The following ZNF385C variants were observed in gnomAD, a reference collection of about 807,000 sequenced individuals.
ZNF385C encodes the protein CTD-2132N18.2.
Under a neutral mutation model 35.4 loss-of-function variants are expected in ZNF385C, and 28 were observed. The ratio of observed to expected loss-of-function variants is 0.79; its 90% confidence interval spans 0.59 to 1.08. The LOEUF (loss-of-function observed/expected upper bound fraction) is 1.08. Ranked by LOEUF, ZNF385C falls within the 50% of genes least tolerant of loss-of-function variation. The pLI is 0.00. For missense variants in ZNF385C, 605 were observed against 595.6 expected, an observed-to-expected ratio of 1.02 and a Z score of -0.16; for synonymous variants, 248 against 248.2, an observed-to-expected ratio of 1.00 and a Z score of 0.01.
At position 42,038,218 on chromosome 17, in the gene ZNF385C, C is replaced by T. The variant is rs143950743; in HGVS notation, c.251-333G>A. The T allele has an allele frequency of 1.4e-4, 87 of 619,108 alleles. No individual in the cohort carries two copies. In the African/African-American group the frequency reaches 1.5e-3, roughly 10 times the overall value. The allele number at this position is 619,108 out of a possible 1,614,324, so 38.4% of individuals were successfully genotyped here. ...TGGGCAGGCCCTGACACACACACCA[C>T]CATGGAGACTGCATGATGTGCTGGG... On this transcript the variant is annotated intron_variant, in intron 2 of 8. Transcript: ENST00000692273.
chr17:42,089,199 C>T (rs1369454053), intron 1 of ZNF385C, among the ~76,000 whole-genome samples: 4 of 151,978 alleles, frequency 2.6e-5, no homozygotes, highest in African/African-American at 9.7e-5. Context: ...ACCTATAGTC[C>T]CAGCTACTCA....
chr17:42,043,149 C>T (rs1276396305), intron 2 of ZNF385C: 9 of 1,232,180 alleles, frequency 7.3e-6, no homozygotes, highest in Non-Finnish European at 9.1e-6. Context: ...CGTGGCGCAG[C>T]AGGGCGTGGC....
chr17:42,077,012 G>A (rs1229450233), intron 1 of ZNF385C, among the ~76,000 whole-genome samples: 2 of 152,140 alleles, frequency 1.3e-5, no homozygotes, highest in East Asian at 3.8e-4. Context: ...TCTCCAGTTT[G>A]ACTATTCCAG....
intron 4 of ZNF385C, 49 bp downstream of exon 4, chr17:42,034,176 C>G: frequency 6.8e-7 from 1 of 1,460,614 alleles, no homozygotes; most frequent in South Asian, 1.2e-5. Context: ...CTCCAGCCCT[C>G]TCCCTGCCCA....
At chr17:42,065,285 C>G (rs1217735233) in intron 1 of ZNF385C, 2 of 152,228 alleles carry the variant, frequency 1.3e-5, no homozygotes, top group African/African-American at 2.4e-5. Context: ...GGACTTCTAG[C>G]CTCCAGAACT....
intron 2 of ZNF385C, among the ~76,000 whole-genome samples, chr17:42,056,602 T>G (rs7222203): frequency 0.03 from 4,631 of 152,160 alleles, 236 homozygotes; most frequent in African/African-American, 0.11. Context: ...TGATATGGTT[T>G]GGCTGTGTCC....
chr17:42,029,120 C>G, intron 5 of ZNF385C, 47 bp from the exon 6 acceptor site: 1 of 1,517,410 alleles, frequency 6.6e-7, no homozygotes, highest in Non-Finnish European at 8.9e-7. Flanking sequence ...ACGCTGCAGA[C>G]CACGATCTTC....
chr17:42,059,912 G>A (rs986125412), intron 2 of ZNF385C, among the ~76,000 whole-genome samples: 1 of 152,132 alleles, frequency 6.6e-6, no homozygotes, highest in African/African-American at 2.4e-5. Flanking sequence ...GTGAGCCTCC[G>A]CACCTGGCCC....
At chr17:42,080,458 G>A (rs1214264518) in intron 1 of ZNF385C, among the ~76,000 whole-genome samples, 1 of 152,140 alleles carries the variant, frequency 6.6e-6, no homozygotes, top group African/African-American at 2.4e-5. Flanking sequence ...CAGGCCTTGG[G>A]GTCCTGTCCT....
rs1373517863 is a variant in ZNF385C at position 42,059,662 on chromosome 17, C to T, written c.250+3145G>A. Among the ~76,000 whole-genome samples, 4 of 151,922 alleles carry T rather than the reference C, an allele frequency of 2.6e-5. No homozygotes were observed. The East Asian group carries it at 5.8e-4, about 22-fold the overall frequency. ...TTTAAGACAGAGTCTCATTCTGTCG[C>T]CCAGGCTGGAGTGCAGTGGTGCGAT... On this transcript the variant is annotated intron_variant, in intron 2 of 8. Transcript: ENST00000692273.
intron 2 of ZNF385C, among the ~76,000 whole-genome samples, chr17:42,045,526 T>A (rs1435606181): frequency 6.6e-6 from 1 of 152,248 alleles, no homozygotes; most frequent in Non-Finnish European, 1.5e-5. Flanking sequence ...AGGACAAAAC[T>A]GAGGTCTGTG....
chr17:42,053,892 G>A (rs1168739599), intron 2 of ZNF385C, among the ~76,000 whole-genome samples: 1 of 152,092 alleles, frequency 6.6e-6, no homozygotes, highest in African/African-American at 2.4e-5. Context: ...AGAACGAGGA[G>A]CAAATGAAAC....
intron 4 of ZNF385C, among the ~76,000 whole-genome samples, chr17:42,033,461 C>T (rs143447084): frequency 1.3e-5 from 2 of 152,220 alleles, no homozygotes; most frequent in African/African-American, 4.8e-5. Flanking sequence ...ATTATAATAG[C>T]GCCTCTAGGC....
chr17:42,029,431 G>T (rs2052676636), intron 5 of ZNF385C, among the ~76,000 whole-genome samples: 1 of 152,184 alleles, frequency 6.6e-6, no homozygotes, highest in Non-Finnish European at 1.5e-5. Flanking sequence ...AAAAAACAAT[G>T]GTGCGGGCTG....
chr17:42,085,742 C>T (rs1017069990), intron 1 of ZNF385C, among the ~76,000 whole-genome samples: 10 of 151,870 alleles, frequency 6.6e-5, no homozygotes, highest in Non-Finnish European at 1.0e-4. Context: ...GGATTACAGG[C>T]GTCTGTCTCT....
rs1324873139 is a variant in ZNF385C, at chr17:42,098,436, C to A, written c.-29G>T. 6.7e-6 allele frequency: 1 copy of A among 149,694 alleles called. No individual in the cohort carries two copies. Among genetic ancestry groups the A allele is most frequent in the African/African-American group, 2.4e-5 (1 of 41,052 alleles). The allele number at this position is 149,694 out of a possible 1,614,324, so 9.3% of individuals were successfully genotyped here. On this transcript the variant is annotated 5_prime_UTR_variant, in exon 1 of 9. Coordinates refer to ENST00000692273, the MANE Select transcript of ZNF385C (RefSeq NM_001392013.1). The stretch of plus-strand genomic sequence containing the variant: ...TGCGGGGCAGAGACGGAGCCCGCCG[C>A]GGCCACCTGCTCTCGCCTGGCTGGG...
At chr17:42,034,137 T>G in intron 4 of ZNF385C, 88 bp downstream of exon 4, 1 of 1,068,486 alleles carries the variant, frequency 9.4e-7, no homozygotes, top group South Asian at 1.4e-5. Flanking sequence ...CCACTGATAT[T>G]CCTCCCAGAA....
chr17:42,028,336 C>A (rs2052645925), intron 6 of ZNF385C, 90 bp from the exon 7 acceptor site: 13 of 1,325,974 alleles, frequency 9.8e-6, no homozygotes, highest in Non-Finnish European at 1.0e-5. Context: ...TTTGGCTCTC[C>A]CTGTAAGCCT....
Position 42,063,639 on chromosome 17 carries a change from C to T in ZNF385C, c.-2-581G>A, listed in dbSNP as rs117919453. Among the ~76,000 whole-genome samples, 103 of 152,252 alleles carry T rather than the reference C, an allele frequency of 6.8e-4. No homozygotes were observed. The East Asian group carries it at 0.016, about 23-fold the overall frequency. On this transcript the variant is annotated intron_variant, in intron 1 of 8. Transcript: ENST00000692273. ...GGGGAGGCCAAGACACCTGGGGACTCGGAGGGCCGCAGAACATATCTCAGA... is the reference window on the plus strand; with the variant it reads ...GGGGAGGCCAAGACACCTGGGGACTTGGAGGGCCGCAGAACATATCTCAGA...
Sources: allele counts gnomAD v4.1 joint callset (sites outside exome capture counted in the v4.1 genomes callset), GRCh38; gene constraint gnomAD v4.1.1; transcripts MANE v1.5; gene names NCBI Gene and HGNC (gene_info 2026-07-23, HGNC 2026-07-21).